Variants in CREB5 observed in about 807,000 individuals in gnomAD.
CREB5 encodes cyclic AMP-responsive element-binding protein 5.
In CREB5, 19 loss-of-function variants were observed where a neutral mutation model predicts 57.1. The observed-to-expected ratio is 0.33, with a 90% CI of 0.23 to 0.49. The LOEUF is 0.49. Among genes scored for constraint, CREB5 ranks in the 20% least tolerant of loss-of-function variants. CREB5 has a pLI of 0.99. For synonymous variants in CREB5, 238 were observed against 238.3 expected (o/e 1.00, Z 0.01); for missense variants, 579 against 671.6 (o/e 0.86, Z 1.52).
At chr7:28,644,007 G>A (rs190840116) in intron 5 of CREB5, among the ~76,000 whole-genome samples, 4 of 152,058 alleles carry the variant, frequency 2.6e-5, no homozygotes, top group Non-Finnish European at 2.9e-5. Flanking sequence ...GGGCCCAAGA[G>A]GTCAAGGCTA....
chr7:28,750,591 C>T (rs759275572), intron 7 of CREB5, among the ~76,000 whole-genome samples: 8 of 113,962 alleles, frequency 7.0e-5, no homozygotes, highest in East Asian at 3.9e-4. Flanking sequence ...AAGCTTAATA[C>T]GAAATATATC....
intron 5 of CREB5, among the ~76,000 whole-genome samples, chr7:28,616,595 C>A (rs1241426766): frequency 6.6e-6 from 1 of 152,080 alleles, no homozygotes; most frequent in Non-Finnish European, 1.5e-5. Flanking sequence ...ACCTCTGGCA[C>A]CTGTATGATG....
chr7:28,633,616 T>C (rs1323900272), intron 5 of CREB5, among the ~76,000 whole-genome samples: 1 of 152,096 alleles, frequency 6.6e-6, no homozygotes, highest in Non-Finnish European at 1.5e-5. Flanking sequence ...GAATGATGAG[T>C]TGTGGACTTA....
chr7:28,438,030 G>A (rs1789029215), intron 1 of CREB5, among the ~76,000 whole-genome samples: 1 of 151,984 alleles, frequency 6.6e-6, no homozygotes, highest in Admixed American at 6.6e-5. Flanking sequence ...ATTTGTGGTC[G>A]GGATGCATCG....
intron 6 of CREB5, among the ~76,000 whole-genome samples, chr7:28,721,692 G>A (rs1443358787): frequency 1.3e-5 from 2 of 152,170 alleles, no homozygotes; most frequent in Non-Finnish European, 2.9e-5. Context: ...TAAACTTGTT[G>A]AGCACCTTCT....
chr7:28,416,797 G>A (rs547710954), intron 1 of CREB5, among the ~76,000 whole-genome samples: 132 of 152,246 alleles, frequency 8.7e-4, no homozygotes, highest in African/African-American at 3.1e-3. Context: ...TTTCCTTCAG[G>A]TAGTGTTTCC....
intron 4 of CREB5, among the ~76,000 whole-genome samples, chr7:28,509,272 C>T (rs10247074): frequency 0.19 from 29,454 of 152,182 alleles, 3,105 homozygotes; most frequent in South Asian, 0.28. Flanking sequence ...AGAACAGTTT[C>T]GTGAAGCCCG....
At chr7:28,437,543 C>T (rs1246261842) in intron 1 of CREB5, among the ~76,000 whole-genome samples, 1 of 152,022 alleles carries the variant, frequency 6.6e-6, no homozygotes, top group African/African-American at 2.4e-5. Flanking sequence ...CAATCTGTTA[C>T]CAAATATTTT....
chr7:28,414,692 C>A (rs748161698), intron 1 of CREB5, among the ~76,000 whole-genome samples: 13 of 152,008 alleles, frequency 8.6e-5, no homozygotes, highest in African/African-American at 2.9e-4. Context: ...TATTACATTT[C>A]GTAATTAGGA....
chr7:28,409,661 G>C (rs1353646797), upstream of CREB5: 1 of 280,378 alleles, frequency 3.6e-6, no homozygotes, highest in Non-Finnish European at 7.0e-6. The surrounding 1 kb of genome is among the most constrained non-coding windows in gnomAD (Gnocchi z 4.4). Context: ...GGACCAGAGG[G>C]AAGTCCGGCC....
At chr7:28,785,658 G>C in intron 7 of CREB5, among the ~76,000 whole-genome samples, 1 of 152,186 alleles carries the variant, frequency 6.6e-6, no homozygotes, top group East Asian at 1.9e-4. Context: ...GTTTACTGCA[G>C]GGTTTTGTGC....
At chr7:28,645,324 A>T (rs1798848261) in intron 5 of CREB5, among the ~76,000 whole-genome samples, 1 of 152,242 alleles carries the variant, frequency 6.6e-6, no homozygotes, top group Admixed American at 6.5e-5. Flanking sequence ...CTCTCTGGAT[A>T]CTAACATAAA....
chr7:28,573,259 C>T (rs969857535), intron 5 of CREB5, among the ~76,000 whole-genome samples: 63 of 151,468 alleles, frequency 4.2e-4, no homozygotes, highest in African/African-American at 1.5e-3. Flanking sequence ...TTGCAGATAG[C>T]TTTTTTTTTA....
intron 1 of CREB5, among the ~76,000 whole-genome samples, chr7:28,366,777 C>G (rs1218927560): frequency 3.3e-5 from 5 of 152,176 alleles, no homozygotes; most frequent in Admixed American, 2.6e-4. Flanking sequence ...CTAGCTATTA[C>G]AGTTATTAAC....
intron 4 of CREB5, among the ~76,000 whole-genome samples, chr7:28,552,637 A>G (rs1562791946): frequency 6.6e-6 from 1 of 152,112 alleles, no homozygotes; most frequent in Non-Finnish European, 1.5e-5. Flanking sequence ...GCCACATGTC[A>G]TGTTGTCTTA....
chr7:28,805,413 T>C (rs2282911), intron 8 of CREB5, among the ~76,000 whole-genome samples: 107,534 of 151,988 alleles, frequency 0.71, 38,358 homozygotes, highest in Non-Finnish European at 0.74. Flanking sequence ...CATCCATACC[T>C]TCCACCCAGT....
At chr7:28,381,047 G>C (rs1015962992) in intron 1 of CREB5, among the ~76,000 whole-genome samples, 2 of 152,140 alleles carry the variant, frequency 1.3e-5, no homozygotes, top group South Asian at 4.1e-4. Flanking sequence ...ATTACATCCC[G>C]GTTCCAGAAA....
At chr7:28,806,896 A>G (rs1420438323) in intron 8 of CREB5, among the ~76,000 whole-genome samples, 1 of 152,228 alleles carries the variant, frequency 6.6e-6, no homozygotes, top group Non-Finnish European at 1.5e-5. Flanking sequence ...GGCTGGCAAT[A>G]AGAGATTATA....
chr7:28,317,924 C>G (rs1156791352), intron 1 of CREB5, among the ~76,000 whole-genome samples: 1 of 152,126 alleles, frequency 6.6e-6, no homozygotes, highest in African/African-American at 2.4e-5. Flanking sequence ...AAACATTGGT[C>G]AACTATCAGC....
Sources: allele counts gnomAD v4.1 joint callset (sites outside exome capture counted in the v4.1 genomes callset), GRCh38; gene constraint gnomAD v4.1.1; non-coding constraint Gnocchi (gnomAD v3.1); transcripts MANE v1.5; gene names NCBI Gene and HGNC (gene_info 2026-07-23, HGNC 2026-07-21).